The following WDR17 variants were observed in gnomAD, a reference collection of about 807,000 sequenced individuals.
WDR17 encodes WD repeat-containing protein 17.
WDR17 carries 143 observed loss-of-function variants against 161.7 expected under a neutral mutation model. That is an observed-to-expected ratio of 0.88 (90% CI 0.77 to 1.02). The LOEUF is 1.02. WDR17 is among the 50% of genes least tolerant of loss of function. WDR17 has a pLI of 0.00. For missense variants in WDR17, 1,469 were observed against 1,520.9 expected (o/e 0.97, Z 0.57); for synonymous variants, 517 against 515.6 (o/e 1.00, Z -0.04).
At chr4:176,149,671 G>T in intron 13 of WDR17, 136 bp from the exon 14 acceptor site, 4 of 939,766 alleles carry the variant, frequency 4.3e-6, no homozygotes, top group South Asian at 3.4e-5. Context: ...AATGCAGATA[G>T]GTTGACTGAG....
chr4:176,136,464 C>T (rs1231402045), intron 8 of WDR17, among the ~76,000 whole-genome samples: 2 of 151,788 alleles, frequency 1.3e-5, no homozygotes, highest in South Asian at 4.1e-4. Flanking sequence ...TGTTTCAAAT[C>T]ATAACACAGA....
chr4:176,123,644 G>C (rs1304384610), intron 4 of WDR17, among the ~76,000 whole-genome samples: 3 of 152,200 alleles, frequency 2.0e-5, no homozygotes, highest in African/African-American at 4.8e-5. Context: ...AGGCATATGG[G>C]AAAGGACATG....
chr4:176,138,710 G>A (rs1322417625), intron 9 of WDR17, among the ~76,000 whole-genome samples: 1 of 151,634 alleles, frequency 6.6e-6, no homozygotes, highest in Non-Finnish European at 1.5e-5. Flanking sequence ...ATGGCATCTT[G>A]GCAACTTGGA....
intron 1 of WDR17, among the ~76,000 whole-genome samples, chr4:176,071,669 T>A (rs1733269135): frequency 6.6e-6 from 1 of 152,178 alleles, no homozygotes; most frequent in South Asian, 2.1e-4. Context: ...ACAATGAAAG[T>A]ATATGAATGA....
rs1374100147 is a variant in WDR17, at chr4:176,180,279, A to G, written c.*700A>G. On this transcript the variant is annotated 3_prime_UTR_variant, in exon 29 of 29. Transcript: ENST00000508596. ...TAAAAATCACAAAATGCAGTCGAATATATATATGAAAACTTGCATTAGGTG... is the reference window on the plus strand; with the variant it reads ...TAAAAATCACAAAATGCAGTCGAATGTATATATGAAAACTTGCATTAGGTG... 1.3e-5 allele frequency: 2 copies of G among 152,320 alleles called. No homozygotes were observed. Among genetic ancestry groups the G allele is most frequent in the African/African-American group, 4.8e-5 (2 of 41,582 alleles). The allele number at this position is 152,320 out of a possible 1,614,324, so 9.4% of individuals were successfully genotyped here.
intron 5 of WDR17, 93 bp downstream of exon 5, chr4:176,125,448 A>G: frequency 2.8e-6 from 4 of 1,427,474 alleles, no homozygotes; most frequent in Non-Finnish European, 3.8e-6. Flanking sequence ...GATTTTGTGT[A>G]AAATGTATTA....
intron 2 of WDR17, among the ~76,000 whole-genome samples, chr4:176,112,582 A>C (rs1467753048): frequency 3.3e-5 from 5 of 152,142 alleles, no homozygotes. Flanking sequence ...TGCTTACACT[A>C]ATTTTTCAGT....
Position 176,151,977 on chromosome 4 carries a change from T to C in WDR17, c.2460+10T>C. 1 of 1,607,554 alleles carries C rather than the reference T, an allele frequency of 6.2e-7. No individual in the cohort carries two copies. The highest frequency in any genetic ancestry group is 8.5e-7 in the Non-Finnish European group (1 of 1,178,140). On this transcript the variant is annotated intron_variant, in intron 17 of 28. Coordinates refer to ENST00000508596, the MANE Select transcript of WDR17 (RefSeq NM_181265.4). ...GGTTGAACTTGGAGAGGTAATGTGC[T>C]ATGAAAGTAAAACTAATGAGTTTAA...
intron 11 of WDR17, 32 bp from the exon 12 acceptor site, chr4:176,145,963 C>T (rs997418531): frequency 5.7e-6 from 9 of 1,579,874 alleles, no homozygotes; most frequent in South Asian, 1.1e-5. Flanking sequence ...TCATATTTAT[C>T]CTATGTCAAT....
At chr4:176,131,489 A>T in intron 6 of WDR17, 65 bp from the exon 7 acceptor site, 1 of 1,430,000 alleles carries the variant, frequency 7.0e-7, no homozygotes, top group Admixed American at 2.4e-5. Context: ...TTTTTTAATG[A>T]AGAATCTTTC....
intron 1 of WDR17, among the ~76,000 whole-genome samples, chr4:176,078,224 A>ATC (rs1263179778): frequency 1.1e-4 from 16 of 152,176 alleles, no homozygotes; most frequent in African/African-American, 3.6e-4. Context: ...TTATAAATAA[A>ATC]TGTTTGAATA....
chr4:176,081,633 T>C (rs1360663035), intron 1 of WDR17, among the ~76,000 whole-genome samples: 2 of 152,148 alleles, frequency 1.3e-5, no homozygotes, highest in Non-Finnish European at 2.9e-5. Context: ...CTGAAGATGG[T>C]GCAACAATAG....
intron 1 of WDR17, among the ~76,000 whole-genome samples, chr4:176,102,713 C>T (rs907792936): frequency 6.6e-6 from 1 of 152,160 alleles, no homozygotes; most frequent in Admixed American, 6.6e-5. Context: ...ATCTCTCTCC[C>T]CACCTAGACA....
intron 1 of WDR17, among the ~76,000 whole-genome samples, chr4:176,072,022 A>G (rs1029367866): frequency 5.3e-5 from 8 of 152,194 alleles, no homozygotes; most frequent in African/African-American, 1.9e-4. Context: ...TAGAACTGCC[A>G]TAATGACCTC....
At chr4:176,091,986 C>T (rs986710805) in intron 1 of WDR17, among the ~76,000 whole-genome samples, 9 of 152,052 alleles carry the variant, frequency 5.9e-5, no homozygotes, top group South Asian at 2.1e-4. Flanking sequence ...ATTCAGGGCA[C>T]AATGGCTTTA....
intron 18 of WDR17, among the ~76,000 whole-genome samples, chr4:176,156,989 C>T (rs1410764331): frequency 5.9e-5 from 9 of 152,090 alleles, no homozygotes; most frequent in African/African-American, 1.9e-4. Flanking sequence ...GAGGTCCTAC[C>T]CTAATCCAGT....
At chr4:176,114,042 A>G (rs1740205517) in intron 2 of WDR17, among the ~76,000 whole-genome samples, 1 of 152,030 alleles carries the variant, frequency 6.6e-6, no homozygotes, top group Non-Finnish European at 1.5e-5. Flanking sequence ...TTTGTATGGT[A>G]ATGTCAGTGG....
At chr4:176,161,119 G>T (rs1004161882) in intron 20 of WDR17, 117 bp downstream of exon 20, 4 of 686,434 alleles carry the variant, frequency 5.8e-6, no homozygotes, top group African/African-American at 1.8e-5. Flanking sequence ...TGCCTCAACC[G>T]CATTCCTCAC....
chr4:176,175,534 TTTTATTTGTTTG>T (rs1299469006), intron 26 of WDR17, among the ~76,000 whole-genome samples: 1 of 83,980 alleles, frequency 1.2e-5, no homozygotes, highest in African/African-American at 3.5e-5. Flanking sequence ...TTAAGCAGTC[TTTTATTTGTTTG>T]TTTGTTTGTT....
Sources: gnomAD v4.1 joint callset for allele counts (sites outside exome capture counted in the v4.1 genomes callset) on GRCh38, gnomAD v4.1.1 for gene constraint, MANE v1.5 for transcripts, NCBI Gene and HGNC (gene_info 2026-07-23, HGNC 2026-07-21) for gene names.